PRDM8: variants seen among roughly 807,000 people sequenced by gnomAD.
PRDM8 encodes PR/SET domain 8.
A neutral mutation model predicts 46.5 loss-of-function variants in PRDM8; 13 were observed. That is an observed-to-expected ratio of 0.28 (90% CI 0.18 to 0.44). The LOEUF is 0.44. Ranked by LOEUF, PRDM8 falls within the 20% of genes least tolerant of loss-of-function variation. The pLI is 1.00. For synonymous variants in PRDM8, 473 were observed against 438.4 expected, an observed-to-expected ratio of 1.08 and a Z score of -0.98; for missense variants, 998 against 955.0, an observed-to-expected ratio of 1.04 and a Z score of -0.59.
At chr4:80,189,971 T>C (rs1737418041) in intron 1 of PRDM8, 1 of 152,264 alleles carries the variant, frequency 6.6e-6, no homozygotes. Context: ...GCTCAGCAAC[T>C]GGCTTTCCAA....
At chr4:80,196,702 A>C, upstream of PRDM8, 9 of 930,548 alleles carry the variant, frequency 9.7e-6, no homozygotes, top group Non-Finnish European at 1.2e-5. Flanking sequence ...CGCAGAACGC[A>C]CCAAGCAGAG....
chr4:80,192,827 A>C (rs1309380797), upstream of PRDM8, among the ~76,000 whole-genome samples: 1 of 152,162 alleles, frequency 6.6e-6, no homozygotes, highest in Non-Finnish European at 1.5e-5. Context: ...AGTTGTGCAC[A>C]ATGTCACTTC....
chr4:80,198,180 G>C (rs1050242687), intron 1 of PRDM8, among the ~76,000 whole-genome samples: 1 of 152,248 alleles, frequency 6.6e-6, no homozygotes, highest in African/African-American at 2.4e-5. Context: ...CGGTTATTGT[G>C]ATGGGCTTGA....
At chr4:80,190,959 T>C (rs1341906616) in intron 1 of PRDM8, among the ~76,000 whole-genome samples, 1 of 152,238 alleles carries the variant, frequency 6.6e-6, no homozygotes, top group Admixed American at 6.5e-5. Context: ...GATAATGCTG[T>C]GGGATAGTTG....
At position 80,203,246 on chromosome 4, in the gene PRDM8, C is replaced by G; in HGVS notation, c.1784C>G (p.Ala595Gly). Residue 595 changes from alanine to glycine, a missense_variant, in exon 4 of 4, where the codon GCG becomes GGG. Coordinates refer to ENST00000415738, the MANE Select transcript of PRDM8 (RefSeq NM_001099403.2). ...GCTGCCGCTGCAGCCGCGGCTGCGG[C>G]GGCGGCCGCGGGGCCCTTGCAGCTG... ...SSAAAAAAAAAAAAGPLQLQL... is the reference protein window; with the variant it reads ...SSAAAAAAAAGAAAGPLQLQL... 6.4e-7 allele frequency: 1 copy of G among 1,556,226 alleles called. No homozygotes were observed. The highest frequency in any genetic ancestry group is 8.7e-7 in the Non-Finnish European group (1 of 1,153,366).
chr4:80,199,747 A>ATC, intron 1 of PRDM8, among the ~76,000 whole-genome samples: 1 of 94,538 alleles, frequency 1.1e-5, no homozygotes, highest in Non-Finnish European at 2.4e-5. Context: ...GTACATATAT[A>ATC]TATAATTCTG....
chr4:80,195,741 A>G (rs1018809992), upstream of PRDM8, among the ~76,000 whole-genome samples: 1 of 152,134 alleles, frequency 6.6e-6, no homozygotes, highest in African/African-American at 2.4e-5. Context: ...CACTTCAAGA[A>G]GCTTTCTTTG....
Position 80,202,923 on chromosome 4 carries a change from C to T in PRDM8, c.1461C>T (p.Gly487=). The T allele has an allele frequency of 2.9e-6, 4 of 1,382,032 alleles. No individual in the cohort carries two copies. Among genetic ancestry groups the T allele is most frequent in the Non-Finnish European group, 3.7e-6 (4 of 1,076,680 alleles). The allele number at this position is 1,382,032 out of a possible 1,614,324, so 85.6% of individuals were successfully genotyped here. ...GTGAGAAGGA[G]GGQGAASDER... ...GCGCCGGGGCCGCAGGCGGCGCGGG[C>T]GGGGGCCAGGGCGCCGCGTCGGACG... The change falls in exon 4 of 4, where the codon GGC becomes GGT. Residue 487 remains glycine, a synonymous_variant. Transcript: ENST00000415738.
chr4:80,199,707 A>ATG (rs201992799), intron 1 of PRDM8, among the ~76,000 whole-genome samples: 195 of 90,614 alleles, frequency 2.2e-3, no homozygotes, highest in African/African-American at 6.5e-3. Context: ...ATATATATAT[A>ATG]TATGTGTGTG....
chr4:80,187,143 T>C (rs543611929), intron 1 of PRDM8, among the ~76,000 whole-genome samples: 1 of 152,274 alleles, frequency 6.6e-6, no homozygotes, highest in Middle Eastern at 3.4e-3. Flanking sequence ...TTTTATTTTA[T>C]TCTCCTTTTT....
chr4:80,198,149 C>A (rs1738111407), intron 1 of PRDM8, among the ~76,000 whole-genome samples: 1 of 152,230 alleles, frequency 6.6e-6, no homozygotes, highest in Non-Finnish European at 1.5e-5. Flanking sequence ...CGCGGGCGGG[C>A]GCTCCTAGGC....
chr4:80,197,123 C>T, upstream of PRDM8: 1 of 985,484 alleles, frequency 1.0e-6, no homozygotes, highest in Non-Finnish European at 1.2e-6. Flanking sequence ...CGGGGAAATA[C>T]GCACGGGGTC....
chr4:80,202,410 C>A lies in PRDM8; in HGVS notation c.948C>A (p.Phe316Leu). ...GCGGCGGCAAAGGAAAGAGGAAATT[C>A]CCGGAGGAGGCGGCGGAGGGCGGCG... is the stretch of plus-strand genomic sequence containing the variant. ...ATGGGKGKRK[F>L]PEEAAEGGGG... Residue 316 changes from phenylalanine (F) to leucine (L), a missense_variant, in exon 4 of 4, where the codon TTC (phenylalanine) becomes TTA (leucine). Physicochemically the swap from Phe to Leu is conservative, Grantham distance 22. Transcript: ENST00000415738. 2 of 1,561,418 alleles carry A rather than the reference C, an allele frequency of 1.3e-6. No homozygotes were observed. The highest frequency in any genetic ancestry group is 4.8e-5 in the East Asian group (2 of 41,988).
chr4:80,190,856 G>A (rs72656526), intron 1 of PRDM8, among the ~76,000 whole-genome samples: 4,256 of 152,234 alleles, frequency 0.028, 104 homozygotes, highest in South Asian at 0.16. Flanking sequence ...ATTGGCATTG[G>A]CTTTCTCGAG....
In PRDM8 at chr4:80,202,075, G is replaced by T; in HGVS notation, c.613G>T (p.Gly205Cys). 1 of 1,613,374 alleles carries T rather than the reference G, an allele frequency of 6.2e-7. No homozygotes were observed. Among genetic ancestry groups the T allele is most frequent in the Non-Finnish European group, 8.5e-7 (1 of 1,179,834 alleles). The change falls in exon 4 of 4, where the codon GGC (glycine) becomes TGC (cysteine). Residue 205 changes from glycine to cysteine, a missense_variant. Gly to Cys is a radical substitution (Grantham distance 159, BLOSUM62 -3). Transcript: ENST00000415738. ...CGTGGGCACCAAGGACCACGGGGGCGGCGGCGGCGGTGGCAAAGACCAGCA... is the reference window on the plus strand; with the variant it reads ...CGTGGGCACCAAGGACCACGGGGGCTGCGGCGGCGGTGGCAAAGACCAGCA... The part of the protein sequence containing the change: ...GGVGTKDHGG[G>C]GGGGKDQQQQ...
At position 80,202,084 on chromosome 4, in the gene PRDM8, G is replaced by A. The variant is rs761182081; in HGVS notation, c.622G>A (p.Gly208Ser). 30 of 1,611,426 alleles carry A rather than the reference G, an allele frequency of 1.9e-5. No individual in the cohort carries two copies. The Admixed American group carries it at 5.0e-4, about 27-fold the overall frequency. Reference sequence around the variant, plus strand: ...CAAGGACCACGGGGGCGGCGGCGGCGGTGGCAAAGACCAGCAGCAGCAGCA... The same window carrying A: ...CAAGGACCACGGGGGCGGCGGCGGCAGTGGCAAAGACCAGCAGCAGCAGCA... ...GTKDHGGGGG[G>S]GKDQQQQQQE... Residue 208 changes from glycine (G) to serine (S), a missense_variant, in exon 4 of 4, where the codon GGT becomes AGT. By Grantham distance (56) the Gly-to-Ser change is moderately conservative. Coordinates refer to ENST00000415738, the MANE Select transcript of PRDM8 (RefSeq NM_001099403.2).
rs1000585322 is a variant in PRDM8, at chr4:80,197,887, C to T, written c.-3+124C>T. 11 of 832,956 alleles carry T rather than the reference C, an allele frequency of 1.3e-5. No individual in the cohort carries two copies. In the Admixed American group the frequency reaches 4.4e-4, roughly 33 times the overall value. The allele number at this position is 832,956 out of a possible 1,614,324, so 51.6% of individuals were successfully genotyped here. On this transcript the variant is annotated intron_variant, in intron 1 of 3. Coordinates refer to ENST00000415738, the MANE Select transcript of PRDM8 (RefSeq NM_001099403.2). Reference sequence around the variant, plus strand: ...AGAGAGAAAAATAATTCTTGAGGGGCTGTCTACTGCCAGTAATATTGTACA... The same window carrying T: ...AGAGAGAAAAATAATTCTTGAGGGGTTGTCTACTGCCAGTAATATTGTACA...
At chr4:80,195,006 A>T (rs1185812728), upstream of PRDM8, among the ~76,000 whole-genome samples, 1 of 152,238 alleles carries the variant, frequency 6.6e-6, no homozygotes, top group Admixed American at 6.5e-5. Flanking sequence ...GGCCAGGCAC[A>T]AGAAAAATGC....
Position 80,202,016 on chromosome 4 carries a change from C to A in PRDM8, c.554C>A (p.Ala185Asp), listed in dbSNP as rs755772235. The A allele has an allele frequency of 6.2e-7, 1 of 1,614,170 alleles. No individual in the cohort carries two copies. Among genetic ancestry groups the A allele is most frequent in the Admixed American group, 1.7e-5 (1 of 60,034 alleles). Residue 185 changes from alanine to aspartate, a missense_variant, in exon 4 of 4, where the codon GCT (alanine) becomes GAT (aspartate). Physicochemically the swap from Ala to Asp is moderately radical, Grantham distance 126 (BLOSUM62 -2). Coordinates refer to ENST00000415738, the MANE Select transcript of PRDM8 (RefSeq NM_001099403.2). Reference sequence around the variant, plus strand: ...CGCTGCCCCAAGAGACTTCACAGCGCTGATATAAGTCCCCAAGACGAACAA... The same window carrying A: ...CGCTGCCCCAAGAGACTTCACAGCGATGATATAAGTCCCCAAGACGAACAA... The part of the protein sequence containing the change: ...RFRCPKRLHS[A>D]DISPQDEQGG...
Sources: allele counts gnomAD v4.1 joint callset (sites outside exome capture counted in the v4.1 genomes callset), GRCh38; gene constraint gnomAD v4.1.1; transcripts MANE v1.5; gene names NCBI Gene and HGNC (gene_info 2026-07-23, HGNC 2026-07-21).